The following ENTHD1 variants were observed in gnomAD, a reference collection of about 807,000 sequenced individuals.
The protein encoded by ENTHD1 is ENTH domain containing 1, also known as ENTH domain-containing protein 1.
A neutral mutation model predicts 39.1 loss-of-function variants in ENTHD1; 23 were observed. That is an observed-to-expected ratio of 0.59 (90% CI 0.42 to 0.83). ENTHD1 has a LOEUF of 0.83. ENTHD1 is among the 40% of genes least tolerant of loss of function. The pLI, the probability that ENTHD1 is intolerant of heterozygous loss-of-function variation, is 0.00. For missense variants in ENTHD1, 624 were observed against 705.4 expected (o/e 0.88, Z 1.31); for synonymous variants, 230 against 258.2 (o/e 0.89, Z 1.05).
At chr22:39,853,811 G>T (rs981496065) in intron 3 of ENTHD1, among the ~76,000 whole-genome samples, 1 of 152,204 alleles carries the variant, frequency 6.6e-6, no homozygotes, top group Non-Finnish European at 1.5e-5. Flanking sequence ...CTGGCCTCAG[G>T]TTATCTGCCT....
chr22:39,808,278 C>T (rs569462306), intron 5 of ENTHD1, among the ~76,000 whole-genome samples: 1 of 152,276 alleles, frequency 6.6e-6, no homozygotes, highest in Admixed American at 6.5e-5. Flanking sequence ...AGGTGCCCTC[C>T]TGTACATGTT....
chr22:39,817,313 T>C (rs2146642704), intron 5 of ENTHD1, among the ~76,000 whole-genome samples: 1 of 152,324 alleles, frequency 6.6e-6, no homozygotes, highest in Admixed American at 6.5e-5. Context: ...TGAAGCATTC[T>C]TTGTAACAGT....
At chr22:39,781,879 C>T (rs1400066223) in intron 5 of ENTHD1, among the ~76,000 whole-genome samples, 2 of 152,108 alleles carry the variant, frequency 1.3e-5, no homozygotes, top group African/African-American at 2.4e-5. Flanking sequence ...CTATTATGAA[C>T]AACAATATGC....
rs187898715 is a variant in ENTHD1 at position 39,849,820 on chromosome 22, G to A, written c.592+11945C>T. Among the ~76,000 whole-genome samples, 829 of 152,112 alleles carry A rather than the reference G, an allele frequency of 5.4e-3. 8 individuals are homozygous for A. Among genetic ancestry groups the A allele is most frequent in the Middle Eastern group, 0.02 (6 of 294 alleles). On this transcript the variant is annotated intron_variant, in intron 3 of 6. Coordinates refer to ENST00000325157, the MANE Select transcript of ENTHD1 (RefSeq NM_152512.4). ...AAGTTTTCTATATGAAAATCCTATC[G>A]TTTACAAATGATGCTCGTTTCTTCC...
chr22:39,780,967 C>A (rs1257358287), intron 5 of ENTHD1, among the ~76,000 whole-genome samples: 1 of 149,812 alleles, frequency 6.7e-6, no homozygotes, highest in Non-Finnish European at 1.5e-5. Context: ...CCACTGCACT[C>A]CAGCCTGGGC....
intron 5 of ENTHD1, among the ~76,000 whole-genome samples, chr22:39,797,816 C>T (rs1239493837): frequency 6.6e-6 from 1 of 152,130 alleles, no homozygotes; most frequent in Non-Finnish European, 1.5e-5. Context: ...GTTGGTCTGA[C>T]AGGAGTACCC....
chr22:39,890,434 C>T (rs545297743), intron 1 of ENTHD1, among the ~76,000 whole-genome samples: 1 of 152,100 alleles, frequency 6.6e-6, no homozygotes, highest in South Asian at 2.1e-4. Context: ...ATGACATTGG[C>T]TTAGAGCAAC....
At chr22:39,809,796 G>A (rs2065671706) in intron 5 of ENTHD1, among the ~76,000 whole-genome samples, 2 of 152,182 alleles carry the variant, frequency 1.3e-5, no homozygotes, top group Non-Finnish European at 2.9e-5. Flanking sequence ...GGGAATACTG[G>A]GGTCCTGGAG....
At chr22:39,797,203 A>T (rs922889032) in intron 5 of ENTHD1, among the ~76,000 whole-genome samples, 1 of 152,196 alleles carries the variant, frequency 6.6e-6, no homozygotes, top group Non-Finnish European at 1.5e-5. Context: ...GGTTTCCATC[A>T]GCATGAAATA....
chr22:39,747,300 T>A (rs981941928), intron 6 of ENTHD1, among the ~76,000 whole-genome samples: 1 of 152,194 alleles, frequency 6.6e-6, no homozygotes, highest in Admixed American at 6.5e-5. Flanking sequence ...TAGTTGTTTT[T>A]AAATTCTCTT....
intron 3 of ENTHD1, among the ~76,000 whole-genome samples, chr22:39,848,535 A>G (rs1287107556): frequency 6.6e-6 from 1 of 152,206 alleles, no homozygotes; most frequent in Non-Finnish European, 1.5e-5. Flanking sequence ...TACAGGCATG[A>G]GCCACAGCGC....
At chr22:39,776,305 A>G (rs1215854316) in intron 5 of ENTHD1, among the ~76,000 whole-genome samples, 1 of 152,192 alleles carries the variant, frequency 6.6e-6, no homozygotes, top group East Asian at 1.9e-4. Context: ...ATTTCTCTGA[A>G]TTCCACTGAA....
chr22:39,801,951 A>G (rs927358814), intron 5 of ENTHD1, among the ~76,000 whole-genome samples: 2 of 152,186 alleles, frequency 1.3e-5, no homozygotes, highest in African/African-American at 2.4e-5. Flanking sequence ...AGGGAAAACA[A>G]TCATCTAAGT....
At chr22:39,861,729 C>A (rs2066141882) in intron 3 of ENTHD1, 36 bp downstream of exon 3, 2 of 1,395,330 alleles carry the variant, frequency 1.4e-6, no homozygotes, top group South Asian at 2.1e-5. Flanking sequence ...TTTAATGATA[C>A]CTGTTGCATT....
chr22:39,856,994 C>T (rs922081806), intron 3 of ENTHD1, among the ~76,000 whole-genome samples: 3 of 152,086 alleles, frequency 2.0e-5, no homozygotes, highest in Non-Finnish European at 2.9e-5. Flanking sequence ...TGAGGAGACA[C>T]TCAATATGTG....
chr22:39,892,049 A>G (rs2066431412), intron 1 of ENTHD1, among the ~76,000 whole-genome samples: 1 of 152,222 alleles, frequency 6.6e-6, no homozygotes, highest in African/African-American at 2.4e-5. Context: ...GTAAAATTCT[A>G]TAGTTTTGAG....
intron 2 of ENTHD1, among the ~76,000 whole-genome samples, chr22:39,873,939 G>C (rs777159800): frequency 4.1e-4 from 63 of 152,242 alleles, no homozygotes; most frequent in Non-Finnish European, 8.5e-4. Flanking sequence ...TCAAAGACTC[G>C]GCAATTTACA....
intron 4 of ENTHD1, 103 bp from the exon 5 acceptor site, chr22:39,821,216 T>C (rs2065780893): frequency 7.5e-7 from 1 of 1,332,624 alleles, no homozygotes; most frequent in African/African-American, 1.5e-5. Context: ...AACATCATCA[T>C]AAACACATTC....
At chr22:39,748,422 CT>C (rs1301962771) in intron 6 of ENTHD1, among the ~76,000 whole-genome samples, 4 of 149,696 alleles carry the variant, frequency 2.7e-5, no homozygotes, top group African/African-American at 1.0e-4. Context: ...ATATCATTTT[CT>C]TTTCTTTTTT....
Sources: allele counts gnomAD v4.1 joint callset (sites outside exome capture counted in the v4.1 genomes callset), GRCh38; gene constraint gnomAD v4.1.1; transcripts MANE v1.5; gene names NCBI Gene and HGNC (gene_info 2026-07-23, HGNC 2026-07-21).